The following CCSER1 variants were observed in gnomAD, a reference collection of about 807,000 sequenced individuals.
CCSER1 encodes the protein serine-rich coiled-coil domain-containing protein 1.
A neutral mutation model predicts 82.0 loss-of-function variants in CCSER1; 41 were observed. The ratio of observed to expected loss-of-function variants is 0.50; its 90% CI spans 0.39 to 0.65. The LOEUF is 0.65. Among genes scored for constraint, CCSER1 ranks in the 30% least tolerant of loss-of-function variants. CCSER1 has a pLI of 0.00. For synonymous variants in CCSER1, 414 were observed against 383.9 expected (o/e 1.08, Z -0.92); for missense variants, 1,119 against 1,064.2 (o/e 1.05, Z -0.72).
intron 1 of CCSER1, among the ~76,000 whole-genome samples, chr4:90,161,361 A>C (rs372215665): frequency 7.2e-5 from 11 of 152,138 alleles, no homozygotes; most frequent in Non-Finnish European, 1.5e-4. Context: ...TATTATTCTC[A>C]CCTGCCATAT....
Position 90,478,458 on chromosome 4 carries a change from G to C in CCSER1, c.1724+10104G>C, listed in dbSNP as rs146724614. The stretch of plus-strand genomic sequence containing the variant: ...AATTTTACATTGTAAGCATAATTAC[G>C]TGTTGAATATATAAATTAGGGTTGT... On this transcript the variant is annotated intron_variant, in intron 5 of 10. Coordinates refer to ENST00000509176, the MANE Select transcript of CCSER1 (RefSeq NM_001145065.2). Among the ~76,000 whole-genome samples, 79 of 152,166 alleles carry C rather than the reference G, an allele frequency of 5.2e-4. 1 individual carries two copies. The highest frequency in any genetic ancestry group is 1.8e-3 in the African/African-American group (75 of 41,526).
chr4:91,160,240 G>T (rs558644641), intron 10 of CCSER1, among the ~76,000 whole-genome samples: 1 of 152,230 alleles, frequency 6.6e-6, no homozygotes, highest in South Asian at 2.1e-4. Context: ...CATTTTCATG[G>T]CTGCATAGTA....
intron 9 of CCSER1, among the ~76,000 whole-genome samples, chr4:91,026,165 G>C (rs970086234): frequency 2.0e-5 from 3 of 152,088 alleles, no homozygotes; most frequent in African/African-American, 7.2e-5. Context: ...TTTGCTAAAA[G>C]GAACATGCAT....
In CCSER1 at chr4:90,388,033, A is replaced by G. The variant is rs190117880; in HGVS notation, c.1510-12003A>G. On this transcript the variant is annotated intron_variant, in intron 3 of 10. Transcript: ENST00000509176. ...TTGAGTTTGGCTATCTCTTGCTAGT[A>G]TATCACCATGAGAAAGAAGATGTTG... is the stretch of plus-strand genomic sequence containing the variant. 2.0e-3 allele frequency among the ~76,000 whole-genome samples: 298 copies of G among 152,286 alleles called. 1 individual carries two copies. Among genetic ancestry groups the G allele is most frequent in the African/African-American group, 6.4e-3 (268 of 41,566 alleles).
intron 10 of CCSER1, among the ~76,000 whole-genome samples, chr4:91,147,950 A>T (rs965427546): frequency 6.6e-6 from 1 of 152,212 alleles, no homozygotes; most frequent in East Asian, 1.9e-4. Context: ...TGTTTTTAAT[A>T]TGCTCTATAT....
At chr4:90,296,317 A>G (rs935128853) in intron 1 of CCSER1, among the ~76,000 whole-genome samples, 2 of 152,128 alleles carry the variant, frequency 1.3e-5, no homozygotes, top group African/African-American at 4.8e-5. Flanking sequence ...GTGTCTGTTC[A>G]TATCCTTTGC....
At chr4:90,962,365 TA>T (rs1299226625) in intron 9 of CCSER1, among the ~76,000 whole-genome samples, 1 of 152,096 alleles carries the variant, frequency 6.6e-6, no homozygotes, top group Admixed American at 6.6e-5. Flanking sequence ...GTCAAAACCA[TA>T]AAAAATATTT....
chr4:91,372,394 C>T (rs1016235148), intron 10 of CCSER1, among the ~76,000 whole-genome samples: 3 of 152,008 alleles, frequency 2.0e-5, no homozygotes, highest in African/African-American at 7.2e-5. Context: ...TCCTGTGAAA[C>T]AAAATTAGAG....
At chr4:91,214,060 G>A (rs1003205036) in intron 10 of CCSER1, among the ~76,000 whole-genome samples, 1 of 152,068 alleles carries the variant, frequency 6.6e-6, no homozygotes, top group Non-Finnish European at 1.5e-5. Context: ...AATTAGAAAA[G>A]AGAACATAAA....
intron 1 of CCSER1, among the ~76,000 whole-genome samples, chr4:90,222,384 A>G (rs1174793765): frequency 6.6e-6 from 1 of 151,978 alleles, no homozygotes; most frequent in East Asian, 1.9e-4. Context: ...AACATTTCCT[A>G]TTGTTGTTAG....
chr4:91,117,804 A>G (rs1349281360), intron 10 of CCSER1, among the ~76,000 whole-genome samples: 1 of 152,146 alleles, frequency 6.6e-6, no homozygotes, highest in African/African-American at 2.4e-5. Flanking sequence ...TCTTATGTTT[A>G]TATGTTACTT....
chr4:90,150,041 C>G (rs1429442998), intron 1 of CCSER1, among the ~76,000 whole-genome samples: 1 of 152,100 alleles, frequency 6.6e-6, no homozygotes, highest in Non-Finnish European at 1.5e-5. Context: ...TGGATTTTTG[C>G]AATAAGTAGG....
intron 5 of CCSER1, 150 bp from the exon 6 acceptor site, chr4:90,627,875 C>G (rs1723602654): frequency 3.1e-6 from 2 of 644,220 alleles, no homozygotes; most frequent in East Asian, 5.7e-5. Context: ...GACTCCATCT[C>G]AAAAAATAAA....
At chr4:91,126,016 CTTG>C (rs1371937201) in intron 10 of CCSER1, among the ~76,000 whole-genome samples, 1 of 151,436 alleles carries the variant, frequency 6.6e-6, no homozygotes, top group African/African-American at 2.4e-5. Flanking sequence ...TATACGGACT[CTTG>C]ATTTACACTC....
In CCSER1 at chr4:90,724,655, AT is replaced by A. The variant is rs770982702; in HGVS notation, c.2010+666del. ...GGGGTATTTAGATATTATTAGGATT[AT>A]TATAAATAAAAACAATTCTTAAGAG... On this transcript the variant is annotated intron_variant, in intron 7 of 10. Coordinates refer to ENST00000509176, the MANE Select transcript of CCSER1 (RefSeq NM_001145065.2). 1.3e-4 allele frequency: 51 copies of A among 386,668 alleles called. No individual in the cohort carries two copies. The Middle Eastern group carries it at 1.7e-3, about 13-fold the overall frequency. The allele number at this position is 386,668 out of a possible 1,614,324, so 24.0% of individuals were successfully genotyped here.
chr4:91,596,720 C>G (rs541526562), intron 10 of CCSER1, among the ~76,000 whole-genome samples: 3 of 152,046 alleles, frequency 2.0e-5, no homozygotes, highest in Non-Finnish European at 4.4e-5. Flanking sequence ...ACAATGTTTC[C>G]TTTCTACACC....
intron 1 of CCSER1, among the ~76,000 whole-genome samples, chr4:90,271,862 A>ATATATATATATT (rs1553982816): frequency 4.6e-5 from 1 of 21,762 alleles, no homozygotes; most frequent in Non-Finnish European, 7.1e-5. Flanking sequence ...ATATATATAT[A>ATATATATATATT]TTTTTTTTTT....
intron 1 of CCSER1, among the ~76,000 whole-genome samples, chr4:90,216,719 C>T (rs566406106): frequency 6.6e-6 from 1 of 152,132 alleles, no homozygotes; most frequent in East Asian, 1.9e-4. Flanking sequence ...ATGCTTCCAG[C>T]TTTGTTCTTT....
intron 10 of CCSER1, among the ~76,000 whole-genome samples, chr4:91,348,912 T>C (rs12505304): frequency 6.6e-6 from 1 of 151,614 alleles, no homozygotes; most frequent in African/African-American, 2.4e-5. Context: ...TTAATTAATT[T>C]ATTTATTTAT....
Sources: allele counts gnomAD v4.1 joint callset (sites outside exome capture counted in the v4.1 genomes callset), GRCh38; gene constraint gnomAD v4.1.1; transcripts MANE v1.5; gene names NCBI Gene and HGNC (gene_info 2026-07-23, HGNC 2026-07-21).